Variants in NELL1 observed in about 807,000 individuals in gnomAD.
NELL1 encodes neural EGFL like 1.
In NELL1, 76 loss-of-function variants were observed where a neutral mutation model predicts 107.4. The ratio of observed to expected loss-of-function variants is 0.71; its 90% CI spans 0.59 to 0.86. The LOEUF (loss-of-function observed/expected upper bound fraction) is 0.86, where lower values mean the gene tolerates loss of function less well. Ranked by LOEUF, NELL1 falls within the 40% of genes least tolerant of loss-of-function variation. NELL1 has a pLI of 0.00. For synonymous variants in NELL1, 353 were observed against 341.2 expected (o/e 1.03, Z -0.38); for missense variants, 1,024 against 1,005.5 (o/e 1.02, Z -0.25).
chr11:20,916,904 A>G (rs1042318243), intron 5 of NELL1, among the ~76,000 whole-genome samples: 4 of 151,942 alleles, frequency 2.6e-5, no homozygotes, highest in Non-Finnish European at 5.9e-5. Flanking sequence ...TGGGGCTCAT[A>G]GAAGGTGGCT....
intron 19 of NELL1, 45 bp downstream of exon 19, chr11:21,573,454 G>T: frequency 6.5e-7 from 1 of 1,548,286 alleles, no homozygotes; most frequent in South Asian, 1.1e-5. Context: ...ACAATTGCCA[G>T]AGAACACTTG....
In NELL1 at chr11:20,847,635, A is replaced by G; in HGVS notation, c.388A>G (p.Ile130Val). 12 of 1,613,912 alleles carry G rather than the reference A, an allele frequency of 7.4e-6. No homozygotes were observed. The highest frequency in any genetic ancestry group is 1.0e-5 in the Non-Finnish European group (12 of 1,179,874). ...GAGGGATGAGATTCGGTATCACTAC[A>G]TACACAATGGGAAGCCAAGGACAGA... ...GLRDEIRYHYIHNGKPRTEAL... is the reference protein window; with the variant it reads ...GLRDEIRYHYVHNGKPRTEAL... The change falls in exon 4 of 20, where the codon ATA becomes GTA. Residue 130 changes from isoleucine (I) to valine (V), a missense_variant. By Grantham distance (29) the Ile-to-Val change is conservative. Transcript: ENST00000357134.
At chr11:21,548,325 G>C (rs2133986492) in intron 16 of NELL1, among the ~76,000 whole-genome samples, 1 of 151,886 alleles carries the variant, frequency 6.6e-6, no homozygotes, top group Middle Eastern at 3.4e-3. Context: ...TGTCATGTTG[G>C]AGATTGTATT....
At chr11:20,734,899 C>A (rs1387951961) in intron 2 of NELL1, among the ~76,000 whole-genome samples, 1 of 152,160 alleles carries the variant, frequency 6.6e-6, no homozygotes, top group East Asian at 1.9e-4. Flanking sequence ...AATCCAATTT[C>A]TCAGGCTTCT....
chr11:20,669,566 G>T (rs2133839409), upstream of NELL1: 1 of 392,406 alleles, frequency 2.5e-6, no homozygotes. This position sits in a 1 kb window ranked among gnomAD's most constrained non-coding sequence, Gnocchi z 4.4. Context: ...TGCCTTCCCG[G>T]GCGCATATGC....
At chr11:21,439,400 A>G (rs998607938) in intron 15 of NELL1, among the ~76,000 whole-genome samples, 4 of 152,162 alleles carry the variant, frequency 2.6e-5, no homozygotes, top group Admixed American at 6.6e-5. Flanking sequence ...GCATTATAAA[A>G]TATTTAATGT....
chr11:20,834,650 C>G (rs551006223), intron 3 of NELL1, among the ~76,000 whole-genome samples: 1 of 151,574 alleles, frequency 6.6e-6, no homozygotes, highest in African/African-American at 2.4e-5. Flanking sequence ...TTGCAGTGAG[C>G]TGAGATCACG....
intron 16 of NELL1, among the ~76,000 whole-genome samples, chr11:21,539,809 T>C (rs1451960185): frequency 6.6e-6 from 1 of 151,616 alleles, no homozygotes; most frequent in East Asian, 2.0e-4. Flanking sequence ...AACTTTTGGT[T>C]GCGAAAACAG....
In NELL1 at chr11:20,894,004, A is replaced by G. The variant is rs375366151; in HGVS notation, c.603+8464A>G. ...ACTGAATAACATAATCTCAAACTGT[A>G]TGTTGTAGCCTGGCAGAATAGCAGG... On this transcript the variant is annotated intron_variant, in intron 5 of 19. Transcript: ENST00000357134. 4.3e-4 allele frequency among the ~76,000 whole-genome samples: 65 copies of G among 152,286 alleles called. 2 individuals are homozygous for G. In the South Asian group the frequency reaches 0.013, roughly 31 times the overall value.
At chr11:20,976,767 A>C (rs1851645219) in intron 12 of NELL1, among the ~76,000 whole-genome samples, 1 of 152,198 alleles carries the variant, frequency 6.6e-6, no homozygotes, top group African/African-American at 2.4e-5. Flanking sequence ...CTTTTACTAC[A>C]TAATTATAAG....
At chr11:20,767,941 A>G (rs1053504444) in intron 2 of NELL1, among the ~76,000 whole-genome samples, 1 of 152,202 alleles carries the variant, frequency 6.6e-6, no homozygotes, top group Non-Finnish European at 1.5e-5. Flanking sequence ...TGAAGGAAAT[A>G]TAAGAGCTAT....
chr11:21,440,733 A>G (rs369561947), intron 15 of NELL1, among the ~76,000 whole-genome samples: 2 of 152,146 alleles, frequency 1.3e-5, no homozygotes, highest in African/African-American at 2.4e-5. Context: ...GGCAGTGACA[A>G]TCAGCACCCA....
At chr11:21,181,251 T>A (rs1327668099) in intron 13 of NELL1, among the ~76,000 whole-genome samples, 1 of 151,706 alleles carries the variant, frequency 6.6e-6, no homozygotes, top group African/African-American at 2.4e-5. Flanking sequence ...CAGGTTTAGG[T>A]TGATGCAAAA....
intron 14 of NELL1, among the ~76,000 whole-genome samples, chr11:21,305,460 A>C (rs1049333873): frequency 6.6e-6 from 1 of 152,026 alleles, no homozygotes; most frequent in Non-Finnish European, 1.5e-5. Flanking sequence ...AAATGCATCC[A>C]AATTAATCAT....
intron 3 of NELL1, among the ~76,000 whole-genome samples, chr11:20,818,950 G>T (rs560330926): frequency 6.6e-6 from 1 of 152,160 alleles, no homozygotes; most frequent in East Asian, 1.9e-4. Flanking sequence ...TATTACCCTC[G>T]CATCACAGAT....
intron 15 of NELL1, among the ~76,000 whole-genome samples, chr11:21,431,430 A>T (rs1044287519): frequency 6.6e-6 from 1 of 152,154 alleles, no homozygotes; most frequent in Non-Finnish European, 1.5e-5. Flanking sequence ...TTTGTTCACT[A>T]ATATTTCCCA....
At chr11:21,147,444 A>G (rs2133780537) in intron 13 of NELL1, among the ~76,000 whole-genome samples, 1 of 152,298 alleles carries the variant, frequency 6.6e-6, no homozygotes, top group African/African-American at 2.4e-5. Flanking sequence ...CAGCTATCTT[A>G]GCTCTGCTTC....
intron 12 of NELL1, among the ~76,000 whole-genome samples, chr11:21,108,296 T>A (rs1855018574): frequency 6.6e-6 from 1 of 152,164 alleles, no homozygotes; most frequent in Non-Finnish European, 1.5e-5. Context: ...TGATGCCAAA[T>A]TTGAGTCTGT....
chr11:20,700,912 T>C (rs1460042475), intron 2 of NELL1, among the ~76,000 whole-genome samples: 2 of 152,218 alleles, frequency 1.3e-5, no homozygotes, highest in Non-Finnish European at 2.9e-5. Context: ...CTATCACTGA[T>C]GGACATTTGG....
Sources: allele counts gnomAD v4.1 joint callset (sites outside exome capture counted in the v4.1 genomes callset), GRCh38; gene constraint gnomAD v4.1.1; non-coding constraint Gnocchi (gnomAD v3.1); transcripts MANE v1.5; gene names NCBI Gene and HGNC (gene_info 2026-07-23, HGNC 2026-07-21).